The following BTD variants were observed in gnomAD, a reference collection of about 807,000 sequenced individuals.
BTD encodes the protein biotinidase.
A neutral mutation model predicts 17.7 loss-of-function variants in BTD; 13 were observed. That is an observed-to-expected ratio of 0.74 (90% CI 0.48 to 1.17). The LOEUF (loss-of-function observed/expected upper bound fraction) is 1.17, where lower values mean the gene tolerates loss of function less well. BTD is among the 50% of genes most tolerant of loss of function. The probability of loss-of-function intolerance (pLI) is 0.00; values close to 1 mark genes in which losing one functional copy is unlikely to be tolerated. For missense variants in BTD, 674 were observed against 650.4 expected (o/e 1.04, Z -0.39); for synonymous variants, 240 against 245.2 (o/e 0.98, Z 0.20).
At chr3:15,620,309 C>T (rs1482519531) in intron 1 of BTD, among the ~76,000 whole-genome samples, 1 of 152,144 alleles carries the variant, frequency 6.6e-6, no homozygotes, top group African/African-American at 2.4e-5. Context: ...CCCAGAACGG[C>T]CGTTTATAGA....
At chr3:15,716,068 C>T (rs1478291567), downstream of BTD, among the ~76,000 whole-genome samples, 4 of 150,812 alleles carry the variant, frequency 2.7e-5, no homozygotes, top group Middle Eastern at 3.4e-3. Flanking sequence ...CAGCAACCTC[C>T]GCCTCCCGGG....
chr3:15,601,569 T>C (rs1289813065), upstream of BTD: 1 of 1,599,400 alleles, frequency 6.3e-7, no homozygotes, highest in Non-Finnish European at 8.5e-7. Context: ...ACTGCACCTC[T>C]GACGGACAGG....
chr3:15,636,477 AG>A (rs1429927516), intron 2 of BTD, among the ~76,000 whole-genome samples: 1 of 152,222 alleles, frequency 6.6e-6, no homozygotes, highest in East Asian at 1.9e-4. Context: ...AGGTTGCCTA[AG>A]AAAATGCCCT....
rs369316343 is a variant in BTD, at chr3:15,645,262, A to G, written c.1346A>G (p.Asp449Gly). 3.0e-5 allele frequency: 49 copies of G among 1,614,068 alleles called. No homozygotes were observed. Among genetic ancestry groups the G allele is most frequent in the Non-Finnish European group, 4.2e-5 (49 of 1,180,034 alleles). ...GTCAGGTGTGGGGGTCTTGGCTTCG[A>G]CACCTGTGGACAGGAAATCACAGAG... ...ALVRCGGLGF[D>G]TCGQEITEAT... The change falls in exon 4 of 4, where the codon GAC becomes GGC. Residue 449 changes from aspartate to glycine, a missense_variant. Physicochemically the swap from Asp to Gly is moderately conservative, Grantham distance 94 (BLOSUM62 -1). Coordinates refer to ENST00000643237, the MANE Select transcript of BTD (RefSeq NM_001370658.1).
At chr3:15,680,959 G>A (rs753504095) in intron 3 of BTD, among the ~76,000 whole-genome samples, 8 of 152,108 alleles carry the variant, frequency 5.3e-5, no homozygotes, top group Admixed American at 3.9e-4. Flanking sequence ...AAGCCACCAC[G>A]GCCAACATTT....
chr3:15,618,977 C>G (rs1187297226), intron 1 of BTD, among the ~76,000 whole-genome samples: 1 of 152,212 alleles, frequency 6.6e-6, no homozygotes, highest in Non-Finnish European at 1.5e-5. Context: ...CAATTTTCTA[C>G]ATCGATGACA....
At chr3:15,633,182 T>G (rs1277544187) in intron 1 of BTD, among the ~76,000 whole-genome samples, 1 of 152,214 alleles carries the variant, frequency 6.6e-6, no homozygotes, top group Non-Finnish European at 1.5e-5. Flanking sequence ...ATTGTTGTGC[T>G]ATTATTTTTA....
intron 1 of BTD, among the ~76,000 whole-genome samples, chr3:15,620,907 C>A (rs2064935270): frequency 6.6e-6 from 1 of 152,182 alleles, no homozygotes; most frequent in South Asian, 2.1e-4. Flanking sequence ...AATAACAGGC[C>A]ATCTGCAAGC....
rs1387350050 is a variant in BTD, at chr3:15,685,936, A to G, written c.400-24124A>G. On this transcript the variant is annotated intron_variant, in intron 3 of 3. Coordinates refer to the BTD transcript ENST00000672141. The stretch of plus-strand genomic sequence containing the variant: ...AATGAAGAAAAAATAAACATAACCT[A>G]GTTCAGTTCTAGGTAATATGAGGTC... 3 of 1,173,076 alleles carry G rather than the reference A, an allele frequency of 2.6e-6. No individual in the cohort carries two copies. The Admixed American group carries it at 6.1e-5, about 24-fold the overall frequency. 72.7% of individuals were successfully genotyped at this position (1,173,076 alleles called of 1,614,324 possible).
chr3:15,673,272 C>T (rs928758290), intron 3 of BTD, among the ~76,000 whole-genome samples: 28 of 152,336 alleles, frequency 1.8e-4, no homozygotes, highest in African/African-American at 6.0e-4. Flanking sequence ...TTAAGTGCAT[C>T]GTTAATAGGC....
chr3:15,689,132 A>C (rs1167073937), intron 3 of BTD, among the ~76,000 whole-genome samples: 2 of 152,340 alleles, frequency 1.3e-5, no homozygotes, highest in African/African-American at 4.8e-5. Flanking sequence ...AAATTTCCCC[A>C]GACAGTTGTA....
At chr3:15,704,741 C>T (rs1428341482) in intron 3 of BTD, among the ~76,000 whole-genome samples, 1 of 151,976 alleles carries the variant, frequency 6.6e-6, no homozygotes, top group East Asian at 1.9e-4. Context: ...TCCTTTAATG[C>T]CACTGTTTAA....
chr3:15,698,602 A>T (rs2070046433), intron 3 of BTD, among the ~76,000 whole-genome samples: 1 of 152,186 alleles, frequency 6.6e-6, no homozygotes, highest in Non-Finnish European at 1.5e-5. Context: ...AATAACAGAC[A>T]AACAGAGAGC....
intron 3 of BTD, chr3:15,677,681 T>C: frequency 1.7e-6 from 1 of 597,150 alleles, no homozygotes; most frequent in Non-Finnish European, 2.9e-6. Context: ...AAAACTTAAG[T>C]ACAAGAAAAA....
chr3:15,670,415 G>T, intron 3 of BTD: 2 of 1,613,952 alleles, frequency 1.2e-6, no homozygotes, highest in Non-Finnish European at 1.7e-6. Flanking sequence ...TGTTTTTGAG[G>T]TGTTGGTATA....
chr3:15,663,027 C>T (rs781437468), intron 3 of BTD, among the ~76,000 whole-genome samples: 10 of 151,246 alleles, frequency 6.6e-5, no homozygotes, highest in African/African-American at 1.9e-4. Flanking sequence ...GACGGAGTTT[C>T]GCTCTTGTCA....
At chr3:15,633,193 T>C (rs549787892) in intron 1 of BTD, among the ~76,000 whole-genome samples, 1 of 152,312 alleles carries the variant, frequency 6.6e-6, no homozygotes, top group African/African-American at 2.4e-5. Flanking sequence ...ATTATTTTTA[T>C]TGGGCTCCCT....
intron 3 of BTD, among the ~76,000 whole-genome samples, chr3:15,708,500 A>T (rs573068308): frequency 7.9e-5 from 12 of 152,050 alleles, no homozygotes; most frequent in South Asian, 4.2e-4. Context: ...AAGAAACATT[A>T]AAAAAAATGT....
intron 3 of BTD, among the ~76,000 whole-genome samples, chr3:15,674,275 G>C (rs2066707038): frequency 6.7e-6 from 1 of 149,116 alleles, no homozygotes; most frequent in Non-Finnish European, 1.5e-5. Context: ...TAGCAGTAAA[G>C]AAAAAAGTGG....
Sources: allele counts gnomAD v4.1 joint callset (sites outside exome capture counted in the v4.1 genomes callset), GRCh38; gene constraint gnomAD v4.1.1; transcripts MANE v1.5; gene names NCBI Gene and HGNC (gene_info 2026-07-23, HGNC 2026-07-21).